PLXNC1: variants seen among roughly 807,000 people sequenced by gnomAD.
The protein encoded by PLXNC1 is plexin-C1.
Under a neutral mutation model 178.2 loss-of-function variants are expected in PLXNC1, and 75 were observed. That is an observed-to-expected ratio of 0.42 (90% CI 0.35 to 0.51). The LOEUF (loss-of-function observed/expected upper bound fraction) is 0.51, where lower values mean the gene tolerates loss of function less well. PLXNC1 is among the 20% of genes least tolerant of loss of function. The pLI is 0.02. For synonymous variants in PLXNC1, 790 were observed against 779.9 expected, an observed-to-expected ratio of 1.01 and a Z score of -0.22; for missense variants, 1,503 against 1,984.4, an observed-to-expected ratio of 0.76 and a Z score of 4.61.
chr12:94,182,248 C>T (rs1719029006), intron 3 of PLXNC1, among the ~76,000 whole-genome samples: 1 of 151,694 alleles, frequency 6.6e-6, no homozygotes, highest in South Asian at 2.1e-4. Flanking sequence ...GTGTAGAAAA[C>T]AGTGTTAATG....
intron 2 of PLXNC1, among the ~76,000 whole-genome samples, chr12:94,174,216 G>T (rs530481740): frequency 6.6e-6 from 1 of 151,842 alleles, no homozygotes; most frequent in Non-Finnish European, 1.5e-5. Flanking sequence ...CCAAGGTCTG[G>T]CTCTGTTGCC....
intron 2 of PLXNC1, among the ~76,000 whole-genome samples, chr12:94,172,587 G>A (rs1029370726): frequency 6.6e-6 from 1 of 152,182 alleles, no homozygotes; most frequent in Non-Finnish European, 1.5e-5. Flanking sequence ...AGCAACTGCT[G>A]TCAGCATTTT....
At chr12:94,248,950 A>T (rs998668730) in intron 14 of PLXNC1, among the ~76,000 whole-genome samples, 1 of 152,192 alleles carries the variant, frequency 6.6e-6, no homozygotes, top group Non-Finnish European at 1.5e-5. Context: ...TTTATATCCC[A>T]TAATAAAGAT....
At chr12:94,266,362 T>G (rs1173113498) in intron 21 of PLXNC1, among the ~76,000 whole-genome samples, 2 of 152,164 alleles carry the variant, frequency 1.3e-5, no homozygotes, top group Non-Finnish European at 2.9e-5. Context: ...AGTCAACACT[T>G]CTCAGCGTTC....
intron 4 of PLXNC1, among the ~76,000 whole-genome samples, chr12:94,194,175 G>C (rs1962831597): frequency 6.6e-6 from 1 of 152,066 alleles, no homozygotes; most frequent in Non-Finnish European, 1.5e-5. Flanking sequence ...TAAACAACCA[G>C]ATCTCAAGAG....
intron 10 of PLXNC1, among the ~76,000 whole-genome samples, chr12:94,239,767 C>T (rs907817883): frequency 2.0e-5 from 3 of 152,174 alleles, no homozygotes; most frequent in Non-Finnish European, 4.4e-5. Flanking sequence ...TAAGTCCCAG[C>T]CTGGATACTC....
In PLXNC1 at chr12:94,204,754, T is replaced by C. The variant is rs1023036394; in HGVS notation, c.1440-4836T>C. On this transcript the variant is annotated intron_variant, in intron 4 of 30. Coordinates refer to ENST00000258526, the MANE Select transcript of PLXNC1 (RefSeq NM_005761.3). ...TGCCTTCCCTAAAAATGCAGACATC[T>C]GTTTCAAATCACTTAGCAAAAGACC... Among the ~76,000 whole-genome samples, 34 of 152,372 alleles carry C rather than the reference T, an allele frequency of 2.2e-4. 1 individual carries two copies. Among genetic ancestry groups the C allele is most frequent in the African/African-American group, 7.0e-4 (29 of 41,588 alleles).
At chr12:94,195,524 C>T (rs143372016) in intron 4 of PLXNC1, among the ~76,000 whole-genome samples, 103 of 152,320 alleles carry the variant, frequency 6.8e-4, no homozygotes, top group Non-Finnish European at 1.1e-3. Context: ...CCCAACACTT[C>T]GTGCTCCACC....
At chr12:94,169,749 C>T (rs1391576412) in intron 2 of PLXNC1, among the ~76,000 whole-genome samples, 1 of 152,204 alleles carries the variant, frequency 6.6e-6, no homozygotes, top group Non-Finnish European at 1.5e-5. Context: ...AGCCCACTTA[C>T]CACCCACAGA....
intron 3 of PLXNC1, among the ~76,000 whole-genome samples, chr12:94,182,904 T>TATC (rs897477417): frequency 5.3e-5 from 8 of 150,044 alleles, no homozygotes; most frequent in Non-Finnish European, 7.4e-5. Context: ...TCTATCTATC[T>TATC]ATCATCTATC....
chr12:94,307,330 T>C lies in PLXNC1; in HGVS notation c.*2045T>C, dbSNP rs1366024374. ...TTGTCAATCCTCCAGTGAAAAGCACTATCTAGATCACATTTTGGATCACAT... is the reference window on the plus strand; with the variant it reads ...TTGTCAATCCTCCAGTGAAAAGCACCATCTAGATCACATTTTGGATCACAT... On this transcript the variant is annotated 3_prime_UTR_variant, in exon 31 of 31. Coordinates refer to ENST00000258526, the MANE Select transcript of PLXNC1 (RefSeq NM_005761.3). 1.3e-5 allele frequency: 2 copies of C among 152,334 alleles called. No homozygotes were observed. The highest frequency in any genetic ancestry group is 2.4e-5 in the African/African-American group (1 of 41,584). 9.4% of individuals were successfully genotyped at this position (152,334 alleles called of 1,614,324 possible). A position where few individuals can be genotyped will look rare whatever the true frequency, so the allele number is the denominator to read the frequency against.
At chr12:94,194,828 C>T (rs1405147838) in intron 4 of PLXNC1, among the ~76,000 whole-genome samples, 1 of 152,136 alleles carries the variant, frequency 6.6e-6, no homozygotes, top group African/African-American at 2.4e-5. Context: ...TCATTGTAGG[C>T]CCAGTGCCTG....
intron 23 of PLXNC1, among the ~76,000 whole-genome samples, chr12:94,288,721 C>G (rs1041671143): frequency 3.9e-5 from 6 of 152,188 alleles, no homozygotes; most frequent in Non-Finnish European, 2.9e-5. Context: ...CAGTTTCCAG[C>G]CTTGGGGCAT....
Position 94,149,929 on chromosome 12 carries a change from C to A in PLXNC1, c.958C>A (p.Arg320=). ...FSAAAGEGQE[R]RSPTTTALCL... The stretch of plus-strand genomic sequence containing the variant: ...CGCGGCCGCTGGAGAGGGCCAGGAG[C>A]GGCGCTCCCCCACCACCACGGCGCT... The change falls in exon 1 of 31, where the codon CGG becomes AGG. Residue 320 remains arginine (R), a synonymous_variant. Transcript: ENST00000258526. 1 of 1,586,460 alleles carries A rather than the reference C, an allele frequency of 6.3e-7. No homozygotes were observed. The highest frequency in any genetic ancestry group is 1.8e-5 in the Admixed American group (1 of 56,244).
chr12:94,296,316 A>G (rs1243139569), intron 24 of PLXNC1, among the ~76,000 whole-genome samples: 1 of 152,086 alleles, frequency 6.6e-6, no homozygotes, highest in African/African-American at 2.4e-5. Context: ...GTGTGCTACC[A>G]TGCTCAGATA....
Position 94,282,300 on chromosome 12 carries a change from C to T in PLXNC1, c.3778C>T (p.Leu1260Phe), listed in dbSNP as rs1966498593. 1 of 1,609,946 alleles carries T rather than the reference C, an allele frequency of 6.2e-7. No individual in the cohort carries two copies. The highest frequency in any genetic ancestry group is 1.3e-5 in the African/African-American group (1 of 74,806). ...GLQLNEIGLE[L>F]QMGTRQKELL... ...AGGAACAAAATGCTCTTTTTCAGAG[C>T]TTCAAATGGGCACACGACAGAAAGA... is the stretch of plus-strand genomic sequence containing the variant. Residue 1260 changes from leucine to phenylalanine, a missense_variant and splice_region_variant, in exon 23 of 31, where the codon CTT becomes TTT. This residue lies in a region of PLXNC1 where 639 missense variants were observed against 979.7 expected (regional missense o/e 0.65). Coordinates refer to ENST00000258526, the MANE Select transcript of PLXNC1 (RefSeq NM_005761.3).
chr12:94,195,928 A>G (rs1962897476), intron 4 of PLXNC1, among the ~76,000 whole-genome samples: 1 of 152,198 alleles, frequency 6.6e-6, no homozygotes, highest in African/African-American at 2.4e-5. Context: ...AAAGAATTAC[A>G]TGAGTTGCTT....
At chr12:94,295,408 CTT>C (rs958193328) in intron 24 of PLXNC1, among the ~76,000 whole-genome samples, 9 of 152,172 alleles carry the variant, frequency 5.9e-5, no homozygotes, top group African/African-American at 1.7e-4. Context: ...GGGATGGTGT[CTT>C]TGTGTTGAAA....
chr12:94,178,252 G>T (rs552148411), intron 2 of PLXNC1, among the ~76,000 whole-genome samples: 2 of 152,226 alleles, frequency 1.3e-5, no homozygotes, highest in East Asian at 3.9e-4. Flanking sequence ...CATTTAGCTT[G>T]TTCCTCTACT....
Sources: allele counts gnomAD v4.1 joint callset (sites outside exome capture counted in the v4.1 genomes callset), GRCh38; gene constraint gnomAD v4.1.1; regional missense constraint gnomAD v4.1.1; transcripts MANE v1.5; gene names NCBI Gene and HGNC (gene_info 2026-07-23, HGNC 2026-07-21).